Variants in ZNF512 observed in about 807,000 individuals in gnomAD.
ZNF512 encodes the protein zinc finger protein 512.
A neutral mutation model predicts 77.5 loss-of-function variants in ZNF512; 25 were observed. The ratio of observed to expected loss-of-function variants is 0.32; its 90% CI spans 0.23 to 0.45. The LOEUF is 0.45. Among genes scored for constraint, ZNF512 ranks in the 20% least tolerant of loss-of-function variants. The pLI, the probability that ZNF512 is intolerant of heterozygous loss-of-function variation, is 1.00. For synonymous variants in ZNF512, 246 were observed against 239.9 expected, an observed-to-expected ratio of 1.03 and a Z score of -0.24; for missense variants, 483 against 692.6, an observed-to-expected ratio of 0.70 and a Z score of 3.40.
chr2:27,608,142 A>G lies in ZNF512; in HGVS notation c.1131+103A>G, dbSNP rs569865857. 3.7e-4 allele frequency: 414 copies of G among 1,114,532 alleles called. 3 individuals carry two copies. The South Asian group carries it at 7.1e-3, about 19-fold the overall frequency. The allele number at this position is 1,114,532 out of a possible 1,614,324, so 69.0% of individuals were successfully genotyped here. Reference sequence around the variant, plus strand: ...CTTGAGGAAGTACGTGATAGGCAGTATTTTGTTTGTTTATCTTTGGAGATA... The same window carrying G: ...CTTGAGGAAGTACGTGATAGGCAGTGTTTTGTTTGTTTATCTTTGGAGATA... On this transcript the variant is annotated intron_variant, in intron 10 of 13. Transcript: ENST00000355467.
chr2:27,609,165 C>G (rs1672497132), intron 10 of ZNF512, among the ~76,000 whole-genome samples: 2 of 151,510 alleles, frequency 1.3e-5, no homozygotes, highest in Admixed American at 1.3e-4. Context: ...GTTTCTAACA[C>G]TTATGTCTTT....
intron 9 of ZNF512, among the ~76,000 whole-genome samples, chr2:27,607,643 C>T (rs182964325): frequency 3.2e-4 from 48 of 152,322 alleles, no homozygotes; most frequent in Admixed American, 3.0e-3. Flanking sequence ...GCTGGGATTA[C>T]AAGAGTGAGC....
chr2:27,603,573 A>ATTGTGTGTGTGTGTGTGTGTGTGTGT (rs1672218570), intron 9 of ZNF512, among the ~76,000 whole-genome samples: 1 of 133,176 alleles, frequency 7.5e-6, no homozygotes, highest in Non-Finnish European at 1.5e-5. Flanking sequence ...ATTTTTATAT[A>ATTGTGTGTGTGTGTGTGTGTGTGTGT]GTGTGTGTGT....
intron 9 of ZNF512, among the ~76,000 whole-genome samples, chr2:27,606,213 C>T (rs1672350825): frequency 6.6e-6 from 1 of 151,856 alleles, no homozygotes; most frequent in African/African-American, 2.4e-5. Context: ...GTTTTTTTAT[C>T]ATTCCGGATA....
chr2:27,614,362 A>G (rs1349086116), intron 10 of ZNF512, among the ~76,000 whole-genome samples: 1 of 152,192 alleles, frequency 6.6e-6, no homozygotes, highest in Non-Finnish European at 1.5e-5. Flanking sequence ...AAATAATTCT[A>G]CTTTTGAAGT....
At chr2:27,602,905 TG>T (rs1338270885) in intron 8 of ZNF512, among the ~76,000 whole-genome samples, 2 of 152,120 alleles carry the variant, frequency 1.3e-5, no homozygotes, top group Non-Finnish European at 2.9e-5. Context: ...ATAGAGTAGA[TG>T]CACAGTTATA....
In ZNF512 at chr2:27,616,329, G is replaced by GT. The variant is rs759085222; in HGVS notation, c.1296+6dup. ...CACCTGGGCTCTTGTACATTGGTTT[G>GT]TAACTTTTTAAACTTACTATCTTAA... On this transcript the variant is annotated splice_donor_region_variant and intron_variant, in intron 12 of 13. Transcript: ENST00000355467. 6.2e-7 allele frequency: 1 copy of GT among 1,612,200 alleles called. No homozygotes were observed. The highest frequency in any genetic ancestry group is 1.7e-5 in the Admixed American group (1 of 59,982).
In ZNF512 at chr2:27,616,428, A is replaced by G. The variant is rs564185588; in HGVS notation, c.1296+104A>G. ...ACAGCTAGTTGTCCTGTTTACCATT[A>G]TCTTCAGAGGCTGCTTTAGATTTTT... On this transcript the variant is annotated intron_variant, in intron 12 of 13. Coordinates refer to ENST00000355467, the MANE Select transcript of ZNF512 (RefSeq NM_032434.4). 111 of 897,328 alleles carry G rather than the reference A, an allele frequency of 1.2e-4. No homozygotes were observed. In the South Asian group the frequency reaches 1.6e-3, roughly 13 times the overall value. The allele number at this position is 897,328 out of a possible 1,614,324, so 55.6% of individuals were successfully genotyped here.
At chr2:27,589,808 G>T (rs1276375383) in intron 2 of ZNF512, among the ~76,000 whole-genome samples, 4 of 152,092 alleles carry the variant, frequency 2.6e-5, no homozygotes, top group Non-Finnish European at 4.4e-5. Flanking sequence ...TTGGACCTAT[G>T]AATTATTTAG....
At position 27,622,811 on chromosome 2, in the gene ZNF512, C is replaced by T. The variant is rs1673176716; in HGVS notation, c.*1350C>T. ...CTGAAAGGCTATTACCACTTTAACT[C>T]TTTGTGCTCCTCCAAATAGCTTTAA... is the stretch of plus-strand genomic sequence containing the variant. On this transcript the variant is annotated 3_prime_UTR_variant, in exon 14 of 14. Coordinates refer to ENST00000355467, the MANE Select transcript of ZNF512 (RefSeq NM_032434.4). 6.5e-6 allele frequency: 1 copy of T among 152,792 alleles called. No individual in the cohort carries two copies. 9.5% of individuals were successfully genotyped at this position (152,792 alleles called of 1,614,324 possible).
At chr2:27,614,595 G>A (rs1181446023) in intron 10 of ZNF512, among the ~76,000 whole-genome samples, 1 of 151,374 alleles carries the variant, frequency 6.6e-6, no homozygotes, top group Non-Finnish European at 1.5e-5. Context: ...GGAGAATGGC[G>A]TGAACCCAGG....
intron 2 of ZNF512, among the ~76,000 whole-genome samples, chr2:27,594,630 G>A (rs1269003854): frequency 2.5e-4 from 37 of 145,686 alleles, no homozygotes; most frequent in Non-Finnish European, 5.0e-4. Flanking sequence ...GGGCAGAGGC[G>A]CTCCTCACTT....
intron 1 of ZNF512, 91 bp from the exon 2 acceptor site, chr2:27,583,567 C>T: frequency 2.6e-6 from 4 of 1,547,484 alleles, no homozygotes; most frequent in South Asian, 1.2e-5. Flanking sequence ...CCCGGGAGAA[C>T]TTCATTTCTT....
Position 27,599,687 on chromosome 2 carries a change from G to T in ZNF512, c.373+9G>T. 6.2e-7 allele frequency: 1 copy of T among 1,609,164 alleles called. No homozygotes were observed. The highest frequency in any genetic ancestry group is 8.5e-7 in the Non-Finnish European group (1 of 1,175,684). ...GAAGCATAAGCTTTATGGTAAGGCA[G>T]TAACTTTGCTACTTCTTTTTCCTTG... On this transcript the variant is annotated intron_variant, in intron 4 of 13. Coordinates refer to ENST00000355467, the MANE Select transcript of ZNF512 (RefSeq NM_032434.4).
intron 2 of ZNF512, among the ~76,000 whole-genome samples, chr2:27,589,423 A>T (rs1002085693): frequency 6.6e-6 from 1 of 152,202 alleles, no homozygotes; most frequent in African/African-American, 2.4e-5. Context: ...CTTAATGTCT[A>T]CATAATCTGC....
chr2:27,618,457 T>C (rs1414237499), intron 13 of ZNF512, among the ~76,000 whole-genome samples: 1 of 152,228 alleles, frequency 6.6e-6, no homozygotes, highest in African/African-American at 2.4e-5. Context: ...AATAGTATTG[T>C]GTCAGTGTTA....
chr2:27,616,229 C>G (rs1481689360), intron 11 of ZNF512, 33 bp from the exon 12 acceptor site: 1 of 1,558,032 alleles, frequency 6.4e-7, no homozygotes, highest in African/African-American at 1.4e-5. Flanking sequence ...AGCTATTTGG[C>G]ATAGTCTTCA....
intron 2 of ZNF512, among the ~76,000 whole-genome samples, chr2:27,590,515 CTT>C (rs1671525849): frequency 6.6e-6 from 1 of 152,166 alleles, no homozygotes; most frequent in Non-Finnish European, 1.5e-5. Context: ...CATTTGCTGA[CTT>C]TTAACTGGAG....
At chr2:27,609,791 C>T (rs1186671434) in intron 10 of ZNF512, among the ~76,000 whole-genome samples, 1 of 151,830 alleles carries the variant, frequency 6.6e-6, no homozygotes, top group Non-Finnish European at 1.5e-5. Flanking sequence ...ATCGCTTGAA[C>T]CTGGGAAGCA....
Sources: gnomAD v4.1 joint callset for allele counts (sites outside exome capture counted in the v4.1 genomes callset) on GRCh38, gnomAD v4.1.1 for gene constraint, MANE v1.5 for transcripts, NCBI Gene and HGNC (gene_info 2026-07-23, HGNC 2026-07-21) for gene names.